The following AFAP1 variants were observed in gnomAD, a reference collection of about 807,000 sequenced individuals.
The protein encoded by AFAP1 is actin filament-associated protein 1.
AFAP1 carries 75 observed loss-of-function variants against 93.9 expected under a neutral mutation model. That is an observed-to-expected ratio of 0.80 (90% CI 0.66 to 0.97). The LOEUF (loss-of-function observed/expected upper bound fraction) is 0.97. AFAP1 is among the 50% of genes least tolerant of loss of function. AFAP1 has a pLI of 0.00. For missense variants in AFAP1, 1,201 were observed against 1,050.8 expected, an observed-to-expected ratio of 1.14 and a Z score of -1.98; for synonymous variants, 517 against 430.7, an observed-to-expected ratio of 1.20 and a Z score of -2.48.
intron 6 of AFAP1, among the ~76,000 whole-genome samples, chr4:7,830,864 C>T (rs1204225090): frequency 6.6e-6 from 1 of 152,242 alleles, no homozygotes; most frequent in East Asian, 1.9e-4. Context: ...CCGCCTTGCC[C>T]TCCCAAAGCA....
intron 14 of AFAP1, chr4:7,775,587 G>T (rs183562846): frequency 6.7e-6 from 1 of 148,924 alleles, no homozygotes; most frequent in African/African-American, 2.6e-5. Flanking sequence ...ATTAGCACCC[G>T]GCACGGAGTG....
Position 7,759,565 on chromosome 4 carries a change from C to A in AFAP1, c.*4200G>T, listed in dbSNP as rs11730692. On this transcript the variant is annotated 3_prime_UTR_variant, in exon 18 of 18. Coordinates refer to ENST00000420658, the MANE Select transcript of AFAP1 (RefSeq NM_001134647.2). Reference sequence around the variant, plus strand: ...CAAGGGGATAAGAAGACAGTGACAACCAGGAAAAAATGAATTATCCTCCTT... The same window carrying A: ...CAAGGGGATAAGAAGACAGTGACAAACAGGAAAAAATGAATTATCCTCCTT... The A allele has an allele frequency of 2.1e-3, 326 of 152,718 alleles. 2 individuals carry two copies. The highest frequency in any genetic ancestry group is 1.8e-3 in the Non-Finnish European group (123 of 68,012). The allele number at this position is 152,718 out of a possible 1,614,324, so 9.5% of individuals were successfully genotyped here.
chr4:7,793,627 G>C, intron 11 of AFAP1, 54 bp downstream of exon 11: 4 of 1,421,380 alleles, frequency 2.8e-6, no homozygotes, highest in Non-Finnish European at 2.8e-6. Context: ...AGCTAAGTTA[G>C]GGAAAAGACA....
intron 1 of AFAP1, among the ~76,000 whole-genome samples, chr4:7,920,949 T>C (rs1205304710): frequency 6.6e-6 from 1 of 151,732 alleles, no homozygotes; most frequent in South Asian, 2.1e-4. Flanking sequence ...TGTCAAAAGC[T>C]AAATATATAA....
chr4:7,869,227 A>G (rs1716802992), intron 2 of AFAP1, among the ~76,000 whole-genome samples: 1 of 149,724 alleles, frequency 6.7e-6, no homozygotes, highest in Non-Finnish European at 1.5e-5. Flanking sequence ...GGAGGGAAGG[A>G]GGAAGGGGAA....
chr4:7,915,511 A>G (rs371104475), intron 1 of AFAP1, among the ~76,000 whole-genome samples: 2 of 152,320 alleles, frequency 1.3e-5, no homozygotes, highest in Admixed American at 6.5e-5. Context: ...GGAAAAAGAA[A>G]TATCTGTGTC....
chr4:7,763,755 C>T lies in AFAP1; in HGVS notation c.*10G>A. ...TGCAGTCTCTGAGGCTGGAGTGGTG[C>T]TGCTGTCCCCTAGGTCCCGTTCTTC... is the stretch of plus-strand genomic sequence containing the variant. On this transcript the variant is annotated 3_prime_UTR_variant, in exon 18 of 18. Transcript: ENST00000420658. 1 of 1,551,618 alleles carries T rather than the reference C, an allele frequency of 6.4e-7. No individual in the cohort carries two copies. The highest frequency in any genetic ancestry group is 8.7e-7 in the Non-Finnish European group (1 of 1,146,966).
At position 7,868,193 on chromosome 4, in the gene AFAP1, C is replaced by G. The variant is rs375518763; in HGVS notation, c.225+429G>C. Among the ~76,000 whole-genome samples, 32 of 152,002 alleles carry G rather than the reference C, an allele frequency of 2.1e-4. 1 individual carries two copies. The East Asian group carries it at 4.5e-3, about 21-fold the overall frequency. ...TCTTGGAAACAATATGGATAGTTAA[C>G]CCCAGAAGAAGTCTAACAATGACTA... is the stretch of plus-strand genomic sequence containing the variant. On this transcript the variant is annotated intron_variant, in intron 3 of 17. Transcript: ENST00000420658.
At position 7,798,754 on chromosome 4, in the gene AFAP1, G is replaced by A. The variant is rs560202476; in HGVS notation, c.1266+1688C>T. 806 of 356,942 alleles carry A rather than the reference G, an allele frequency of 2.3e-3. 2 individuals carry two copies. The highest frequency in any genetic ancestry group is 2.7e-3 in the Non-Finnish European group (660 of 246,946). The allele number at this position is 356,942 out of a possible 1,614,324, so 22.1% of individuals were successfully genotyped here. ...CTACCACTTTCTCTCCAGGACTCGG[G>A]GCACACAGCTACTGTGCCCCCAGCA... On this transcript the variant is annotated intron_variant, in intron 10 of 17. Transcript: ENST00000420658.
chr4:7,809,534 A>C, intron 9 of AFAP1, 80 bp downstream of exon 9: 1 of 1,491,732 alleles, frequency 6.7e-7, no homozygotes, highest in South Asian at 1.4e-5. Context: ...CCTTGGATGA[A>C]CTGGGTACCG....
chr4:7,846,726 A>C lies in AFAP1; in HGVS notation c.335-3376T>G, dbSNP rs184721339. Reference sequence around the variant, plus strand: ...ACACAGCAGGTGCTAGGATAAAGCCATGAAAAGCCGGGCCTGCTCCAAATT... The same window carrying C: ...ACACAGCAGGTGCTAGGATAAAGCCCTGAAAAGCCGGGCCTGCTCCAAATT... On this transcript the variant is annotated intron_variant, in intron 4 of 17. Transcript: ENST00000420658. Among the ~76,000 whole-genome samples the C allele has an allele frequency of 1.2e-4, 18 of 152,334 alleles. No individual in the cohort carries two copies. The South Asian group carries it at 2.3e-3, about 19-fold the overall frequency.
At chr4:7,905,148 G>A (rs1047306821) in intron 1 of AFAP1, among the ~76,000 whole-genome samples, 1 of 152,096 alleles carries the variant, frequency 6.6e-6, no homozygotes, top group Non-Finnish European at 1.5e-5. Flanking sequence ...AGAAGTTGAA[G>A]GCATGCCAGC....
chr4:7,886,520 G>A (rs927739030), intron 1 of AFAP1, among the ~76,000 whole-genome samples: 13 of 152,182 alleles, frequency 8.5e-5, no homozygotes, highest in Non-Finnish European at 1.6e-4. Context: ...TAGGTCCTGG[G>A]AATGTTCCTT....
chr4:7,936,019 A>G (rs1417045218), intron 1 of AFAP1, among the ~76,000 whole-genome samples: 1 of 152,222 alleles, frequency 6.6e-6, no homozygotes, highest in African/African-American at 2.4e-5. Context: ...TCCTAAGATC[A>G]CATTCCCCAA....
At chr4:7,778,917 A>C (rs1716447490) in intron 13 of AFAP1, 41 bp from the exon 14 acceptor site, 3 of 1,401,628 alleles carry the variant, frequency 2.1e-6, no homozygotes, top group Non-Finnish European at 2.9e-6. Context: ...AATAAACACA[A>C]AGTCAAACAA....
rs190667545 is a variant in AFAP1 at position 7,932,307 on chromosome 4, G to A, written c.-3+7349C>T. Among the ~76,000 whole-genome samples, 3 of 152,314 alleles carry A rather than the reference G, an allele frequency of 2.0e-5. No homozygotes were observed. In the East Asian group the frequency reaches 5.8e-4, roughly 29 times the overall value. ...TTAAACTACTTGGTGACCACCATCA[G>A]TTGTTTTCTTGACCACAGGATGCAC... On this transcript the variant is annotated intron_variant, in intron 1 of 17. Transcript: ENST00000420658.
intron 8 of AFAP1, among the ~76,000 whole-genome samples, chr4:7,813,752 A>C (rs1346121025): frequency 6.6e-6 from 1 of 152,204 alleles, no homozygotes; most frequent in Non-Finnish European, 1.5e-5. Context: ...GATAGGACAG[A>C]CTTAGAAAAC....
At chr4:7,898,381 C>G (rs765666421) in intron 1 of AFAP1, among the ~76,000 whole-genome samples, 1 of 152,056 alleles carries the variant, frequency 6.6e-6, no homozygotes, top group Non-Finnish European at 1.5e-5. Flanking sequence ...GCACTCCAGC[C>G]TGGGTGACAA....
intron 11 of AFAP1, among the ~76,000 whole-genome samples, chr4:7,791,497 CCCTA>C (rs1438233019): frequency 6.6e-6 from 1 of 152,106 alleles, no homozygotes; most frequent in East Asian, 1.9e-4. Flanking sequence ...AGCCAAGATG[CCCTA>C]CCTAATACCT....
Sources: gnomAD v4.1 joint callset for allele counts (sites outside exome capture counted in the v4.1 genomes callset) on GRCh38, gnomAD v4.1.1 for gene constraint, MANE v1.5 for transcripts, NCBI Gene and HGNC (gene_info 2026-07-23, HGNC 2026-07-21) for gene names.